The following SLC8A1 variants were observed in gnomAD, a reference collection of about 807,000 sequenced individuals.
The protein encoded by SLC8A1 is sodium/calcium exchanger 1.
A neutral mutation model predicts 68.3 loss-of-function variants in SLC8A1; 18 were observed. That is an observed-to-expected ratio of 0.26 (90% CI 0.18 to 0.39). SLC8A1 has a LOEUF of 0.39. Ranked by LOEUF, SLC8A1 falls within the 10% of genes least tolerant of loss-of-function variation. The pLI is 1.00. For synonymous variants in SLC8A1, 475 were observed against 415.5 expected, an observed-to-expected ratio of 1.14 and a Z score of -1.74; for missense variants, 985 against 1,156.7, an observed-to-expected ratio of 0.85 and a Z score of 2.15.
At chr2:40,263,752 G>T (rs2065007214) in intron 2 of SLC8A1, among the ~76,000 whole-genome samples, 1 of 152,114 alleles carries the variant, frequency 6.6e-6, no homozygotes, top group Non-Finnish European at 1.5e-5. Context: ...AACCCTAGGA[G>T]AAAACCTAGG....
At chr2:40,474,709 A>G (rs1200121604) in intron 1 of SLC8A1, among the ~76,000 whole-genome samples, 1 of 152,206 alleles carries the variant, frequency 6.6e-6, no homozygotes, top group Non-Finnish European at 1.5e-5. Context: ...AATATTATTC[A>G]TATTTTATAC....
rs141181938 is a variant in SLC8A1 at position 40,382,341 on chromosome 2, T to C, written c.1808+46132A>G. On this transcript the variant is annotated intron_variant, in intron 2 of 7. Transcript: ENST00000406785. ...TAGCACAGTGAGTACATACACCTAG[T>C]AGGCGGTCTTCAGGTACATCCAGAT... is the stretch of plus-strand genomic sequence containing the variant. Among the ~76,000 whole-genome samples, 1,012 of 152,226 alleles carry C rather than the reference T, an allele frequency of 6.6e-3. 28 individuals carry two copies. The highest frequency in any genetic ancestry group is 0.047 in the East Asian group (244 of 5,154).
rs528545122 is a variant in SLC8A1, at chr2:40,507,236, T to C, written c.-25+5113A>G. Among the ~76,000 whole-genome samples, 7 of 152,094 alleles carry C rather than the reference T, an allele frequency of 4.6e-5. No individual in the cohort carries two copies. The East Asian group carries it at 1.3e-3, about 29-fold the overall frequency. On this transcript the variant is annotated intron_variant, in intron 1 of 7. Coordinates refer to the SLC8A1 transcript ENST00000402441. Reference sequence around the variant, plus strand: ...TTTCCAATCGTCTTTACTTACATAATGTTGCAGAGTGAAGGGAAGGGTGTT... The same window carrying C: ...TTTCCAATCGTCTTTACTTACATAACGTTGCAGAGTGAAGGGAAGGGTGTT...
intron 2 of SLC8A1, among the ~76,000 whole-genome samples, chr2:40,399,849 C>T (rs983810555): frequency 6.6e-6 from 1 of 152,066 alleles, no homozygotes; most frequent in African/African-American, 2.4e-5. Context: ...CAATTCCTGC[C>T]TCCAAAGAAA....
chr2:40,380,429 A>G (rs1681371921), intron 2 of SLC8A1, among the ~76,000 whole-genome samples: 1 of 152,164 alleles, frequency 6.6e-6, no homozygotes, highest in Admixed American at 6.6e-5. Flanking sequence ...GAATCTCTAT[A>G]GTCTTCACAA....
intron 2 of SLC8A1, among the ~76,000 whole-genome samples, chr2:40,228,088 T>C (rs1343640573): frequency 2.0e-5 from 3 of 152,170 alleles, no homozygotes; most frequent in Non-Finnish European, 4.4e-5. Flanking sequence ...TAAAAAACCA[T>C]TTGTCTTGAG....
Position 40,165,216 on chromosome 2 carries a change from G to T in SLC8A1, c.1931-232C>A, listed in dbSNP as rs186158197. ...TCTCACAATCTAAGCTCATGCAAAAGTTCAGTTGAGGAAAAGTAATGTATG... is the reference window on the plus strand; with the variant it reads ...TCTCACAATCTAAGCTCATGCAAAATTTCAGTTGAGGAAAAGTAATGTATG... On this transcript the variant is annotated intron_variant, in intron 4 of 7. Transcript: ENST00000406785. Among the ~76,000 whole-genome samples, 30 of 152,262 alleles carry T rather than the reference G, an allele frequency of 2.0e-4. No individual in the cohort carries two copies. The East Asian group carries it at 5.8e-3, about 29-fold the overall frequency.
At position 40,320,809 on chromosome 2, in the gene SLC8A1, A is replaced by G. The variant is rs115127570; in HGVS notation, c.1808+107664T>C. ...ACAATTTATGAACTCTTTAATGGAA[A>G]TGCATTAAAATAAAATGTGGCCGAC... is the stretch of plus-strand genomic sequence containing the variant. On this transcript the variant is annotated intron_variant, in intron 2 of 7. Coordinates refer to ENST00000406785, the Ensembl canonical transcript of SLC8A1. 7.2e-3 allele frequency among the ~76,000 whole-genome samples: 1,090 copies of G among 152,266 alleles called. 13 individuals are homozygous for G. Among genetic ancestry groups the G allele is most frequent in the African/African-American group, 0.025 (1,035 of 41,538 alleles).
In SLC8A1 at chr2:40,463,885, C is replaced by T. The variant is rs74177098; in HGVS notation, c.-24-33581G>A. ...ACACACACACACACACACACACACA[C>T]ACATATATATATAGAGAGAGAGACA... On this transcript the variant is annotated intron_variant, in intron 1 of 7. Coordinates refer to the SLC8A1 transcript ENST00000402441. 3.1e-3 allele frequency among the ~76,000 whole-genome samples: 391 copies of T among 126,274 alleles called. 2 individuals carry two copies. The highest frequency in any genetic ancestry group is 0.011 in the African/African-American group (352 of 32,234). 82.8% of individuals were successfully genotyped at this position (126,274 alleles called of 152,430 possible).
chr2:40,493,621 C>G (rs1010719546), intron 1 of SLC8A1, among the ~76,000 whole-genome samples: 4 of 151,182 alleles, frequency 2.6e-5, no homozygotes, highest in Middle Eastern at 3.5e-3. Flanking sequence ...ACTTCTCCCT[C>G]TATTACAATC....
At chr2:40,408,550 G>A (rs1253059354) in intron 2 of SLC8A1, among the ~76,000 whole-genome samples, 1 of 152,168 alleles carries the variant, frequency 6.6e-6, no homozygotes, top group Non-Finnish European at 1.5e-5. Flanking sequence ...GCTTGAATCT[G>A]GGTGAAGGGA....
chr2:40,110,709 C>G (rs2034504368), exon 8 of SLC8A1: 1 of 152,154 alleles, frequency 6.6e-6, no homozygotes, highest in African/African-American at 2.4e-5. Context: ...TCAGAACTTG[C>G]TCTGCATGCA....
At chr2:40,231,287 C>G (rs148244906) in intron 2 of SLC8A1, among the ~76,000 whole-genome samples, 1 of 152,072 alleles carries the variant, frequency 6.6e-6, no homozygotes, top group Admixed American at 6.6e-5. Flanking sequence ...ATATTAGACA[C>G]GGGAAATGTG....
At chr2:40,174,670 G>C (rs1380832466) in intron 4 of SLC8A1, 36 bp downstream of exon 6, 1 of 1,464,980 alleles carries the variant, frequency 6.8e-7, no homozygotes, top group East Asian at 2.3e-5. Flanking sequence ...AGGGTATTTG[G>C]GGAAAAATAA....
At position 40,482,920 on chromosome 2, in the gene SLC8A1, A is replaced by G. The variant is rs1250891983; in HGVS notation, c.-25+29429T>C. On this transcript the variant is annotated intron_variant, in intron 1 of 7. Transcript: ENST00000402441. ...ATTCTCCCGCCTCAGCCTCCCGAGT[A>G]GCTGGGACTACAGGCGCCCGCCACC... Among the ~76,000 whole-genome samples the G allele has an allele frequency of 3.4e-5, 5 of 147,842 alleles. 1 individual carries two copies. In the South Asian group the frequency reaches 8.5e-4, roughly 25 times the overall value.
chr2:40,380,919 T>C (rs140328379), intron 2 of SLC8A1, among the ~76,000 whole-genome samples: 22 of 152,208 alleles, frequency 1.4e-4, no homozygotes, highest in Admixed American at 2.6e-4. Context: ...AGTAAAAATG[T>C]CTGGCTTTCT....
At chr2:40,283,531 T>G (rs1408600013) in intron 2 of SLC8A1, among the ~76,000 whole-genome samples, 1 of 152,180 alleles carries the variant, frequency 6.6e-6, no homozygotes, top group Non-Finnish European at 1.5e-5. Flanking sequence ...TGAGAAGATT[T>G]TCACATACCC....
chr2:40,249,191 A>G (rs1023996627), intron 2 of SLC8A1, among the ~76,000 whole-genome samples: 2 of 152,202 alleles, frequency 1.3e-5, no homozygotes, highest in African/African-American at 4.8e-5. Flanking sequence ...GTTTGATGTT[A>G]TATCTCTCAG....
chr2:40,244,675 G>C (rs1490091904), intron 2 of SLC8A1, among the ~76,000 whole-genome samples: 1 of 151,646 alleles, frequency 6.6e-6, no homozygotes, highest in Non-Finnish European at 1.5e-5. Context: ...CCTACTGCTG[G>C]ATATTTCTAA....
Sources: gnomAD v4.1 joint callset for allele counts (sites outside exome capture counted in the v4.1 genomes callset) on GRCh38, gnomAD v4.1.1 for gene constraint, MANE v1.5 for transcripts, NCBI Gene and HGNC (gene_info 2026-07-23, HGNC 2026-07-21) for gene names.